MYRIP: variants seen among roughly 807,000 people sequenced by gnomAD.
MYRIP encodes the protein rab effector MyRIP.
Under a neutral mutation model 98.0 loss-of-function variants are expected in MYRIP, and 49 were observed. The ratio of observed to expected loss-of-function variants is 0.50; its 90% confidence interval spans 0.40 to 0.63. The LOEUF is 0.63. Among genes scored for constraint, MYRIP ranks in the 30% least tolerant of loss-of-function variants. MYRIP has a pLI of 0.00. For missense variants in MYRIP, 1,004 were observed against 1,058.2 expected (o/e 0.95, Z 0.71); for synonymous variants, 404 against 409.5 (o/e 0.99, Z 0.16).
Position 40,212,221 on chromosome 3 carries a change from TATATACAC to T in MYRIP, c.1905+2130_1905+2137del, listed in dbSNP as rs1559456804. 2.6e-4 allele frequency among the ~76,000 whole-genome samples: 21 copies of T among 80,310 alleles called. 8 individuals carry two copies. The highest frequency in any genetic ancestry group is 6.3e-4 in the Non-Finnish European group (20 of 31,870). The allele number at this position is 80,310 out of a possible 152,430, so 52.7% of individuals were successfully genotyped here. On this transcript the variant is annotated intron_variant, in intron 11 of 16. Transcript: ENST00000302541. ...ATATATATACGTGTGTGTATATATATATATACACACACACACACACACACATATATATA... is the reference window on the plus strand; with the variant it reads ...ATATATATACGTGTGTGTATATATATACACACACACACACACATATATATA...
At chr3:39,873,213 T>A (rs561836983) in intron 1 of MYRIP, among the ~76,000 whole-genome samples, 11 of 152,220 alleles carry the variant, frequency 7.2e-5, no homozygotes, top group African/African-American at 1.4e-4. Context: ...CATTTGTTTG[T>A]GTTCATTGTA....
intron 1 of MYRIP, among the ~76,000 whole-genome samples, chr3:39,842,756 C>CCG (rs1941843162): frequency 6.6e-6 from 1 of 151,686 alleles, no homozygotes; most frequent in African/African-American, 2.4e-5. Context: ...GGTGATTACC[C>CCG]CCCCTGCTTC....
At chr3:40,066,575 T>C (rs1313937190) in intron 3 of MYRIP, among the ~76,000 whole-genome samples, 10 of 152,294 alleles carry the variant, frequency 6.6e-5, no homozygotes, top group Non-Finnish European at 1.2e-4. Flanking sequence ...TCCCTTAAGG[T>C]TGTACCTCTA....
chr3:40,025,252 C>T (rs940946396), intron 2 of MYRIP, among the ~76,000 whole-genome samples: 3 of 152,102 alleles, frequency 2.0e-5, no homozygotes, highest in Non-Finnish European at 2.9e-5. Flanking sequence ...TAACTGGTAA[C>T]CACAAAGCGT....
chr3:40,162,872 A>C, intron 5 of MYRIP, 62 bp downstream of exon 5: 1 of 1,467,792 alleles, frequency 6.8e-7, no homozygotes, highest in Non-Finnish European at 9.5e-7. Context: ...ACCTACAGGT[A>C]CAGGTACTGC....
chr3:39,866,311 A>G (rs1003196474), intron 1 of MYRIP, among the ~76,000 whole-genome samples: 5 of 152,110 alleles, frequency 3.3e-5, no homozygotes, highest in Admixed American at 2.6e-4. Flanking sequence ...TAACAAACCT[A>G]CATATATACC....
chr3:40,098,286 C>T (rs1948869193), intron 3 of MYRIP, among the ~76,000 whole-genome samples: 1 of 152,070 alleles, frequency 6.6e-6, no homozygotes, highest in Non-Finnish European at 1.5e-5. Context: ...AGGCATGCCC[C>T]TTTTCAAAGT....
At chr3:39,981,912 C>G (rs138210001) in intron 2 of MYRIP, among the ~76,000 whole-genome samples, 2 of 152,080 alleles carry the variant, frequency 1.3e-5, no homozygotes, top group East Asian at 3.9e-4. Context: ...TAAAAGTGAA[C>G]TGATTGGATT....
intron 16 of MYRIP, among the ~76,000 whole-genome samples, chr3:40,255,409 T>A (rs2125730379): frequency 6.6e-6 from 1 of 152,332 alleles, no homozygotes; most frequent in African/African-American, 2.4e-5. Context: ...GCCACCAAAT[T>A]GTTCACTTTA....
At chr3:40,168,743 C>T (rs562934913) in intron 7 of MYRIP, among the ~76,000 whole-genome samples, 2 of 152,326 alleles carry the variant, frequency 1.3e-5, no homozygotes, top group East Asian at 3.9e-4. Flanking sequence ...AAGGCCAAGG[C>T]TTAGCTCTAG....
chr3:40,019,422 T>C (rs1946941851), intron 2 of MYRIP, among the ~76,000 whole-genome samples: 1 of 152,160 alleles, frequency 6.6e-6, no homozygotes, highest in African/African-American at 2.4e-5. Context: ...CTGCACATCC[T>C]TCCTGGCCTA....
At chr3:40,023,117 T>C (rs1429708124) in intron 2 of MYRIP, among the ~76,000 whole-genome samples, 1 of 152,082 alleles carries the variant, frequency 6.6e-6, no homozygotes, top group Non-Finnish European at 1.5e-5. Flanking sequence ...AAAGAAAGAA[T>C]GAAACATGAA....
At chr3:40,108,032 G>C (rs1949083270) in intron 3 of MYRIP, among the ~76,000 whole-genome samples, 1 of 152,188 alleles carries the variant, frequency 6.6e-6, no homozygotes, top group Non-Finnish European at 1.5e-5. Context: ...TGGATAAGCA[G>C]GCTAATTAGA....
chr3:39,923,401 A>C (rs922348190), intron 2 of MYRIP, among the ~76,000 whole-genome samples: 1 of 152,122 alleles, frequency 6.6e-6, no homozygotes, highest in Admixed American at 6.6e-5. Context: ...CATCCTAACT[A>C]TACTCTTGAA....
At chr3:40,118,321 C>T (rs1233879895) in intron 3 of MYRIP, among the ~76,000 whole-genome samples, 1 of 152,182 alleles carries the variant, frequency 6.6e-6, no homozygotes, top group East Asian at 1.9e-4. Context: ...CTGCATGTAT[C>T]TTTCAACCTT....
intron 2 of MYRIP, among the ~76,000 whole-genome samples, chr3:40,017,304 C>T (rs1482640195): frequency 5.9e-5 from 9 of 152,172 alleles, no homozygotes. Context: ...ATGACCACTA[C>T]AAAACGATGA....
chr3:40,247,597 C>G (rs764276379), intron 13 of MYRIP, among the ~76,000 whole-genome samples: 2 of 152,206 alleles, frequency 1.3e-5, no homozygotes, highest in Non-Finnish European at 2.9e-5. Context: ...AATCTTGGCT[C>G]ACTGCAACCT....
At position 39,972,839 on chromosome 3, in the gene MYRIP, T is replaced by G. The variant is rs1326000628; in HGVS notation, c.111-71211T>G. Among the ~76,000 whole-genome samples, 34 of 151,840 alleles carry G rather than the reference T, an allele frequency of 2.2e-4. 1 individual carries two copies. The highest frequency in any genetic ancestry group is 2.2e-3 in the Admixed American group (34 of 15,210). ...TGAAGCTAGGGTACATTGACGGGCT[T>G]CTTCTTTGGACCAAAAAATAGTCCA... On this transcript the variant is annotated intron_variant, in intron 2 of 16. Coordinates refer to ENST00000302541, the MANE Select transcript of MYRIP (RefSeq NM_015460.4).
intron 3 of MYRIP, among the ~76,000 whole-genome samples, chr3:40,094,015 G>A (rs574228806): frequency 4.6e-5 from 7 of 152,038 alleles, no homozygotes; most frequent in East Asian, 3.9e-4. Context: ...GCCTTTGCAC[G>A]TGCTATTTCC....
Sources: allele counts gnomAD v4.1 joint callset (sites outside exome capture counted in the v4.1 genomes callset), GRCh38; gene constraint gnomAD v4.1.1; transcripts MANE v1.5; gene names NCBI Gene and HGNC (gene_info 2026-07-23, HGNC 2026-07-21).